PRKN: variants seen among roughly 807,000 people sequenced by gnomAD.
PRKN encodes E3 ubiquitin-protein ligase parkin.
PRKN carries 56 observed loss-of-function variants against 59.5 expected under a neutral mutation model. That is an observed-to-expected ratio of 0.94 (90% confidence interval 0.76 to 1.18). The LOEUF is 1.18. Among genes scored for constraint, PRKN ranks in the 50% most tolerant of loss-of-function variants. The pLI is 0.00. For missense variants in PRKN, 657 were observed against 596.4 expected (o/e 1.10, Z -1.06); for synonymous variants, 250 against 222.1 (o/e 1.13, Z -1.12).
intron 1 of PRKN, among the ~76,000 whole-genome samples, chr6:162,584,225 CAAAAAACAAAAAACAAAAAACAAAAA>C (rs1177960019): frequency 2.9e-5 from 2 of 69,720 alleles, no homozygotes; most frequent in Non-Finnish European, 6.6e-5. Flanking sequence ...AAAAAAAAAA[CAAAAAACAAAAAACAAAAAACAAAAA>C]AAAAAAAAAC....
intron 5 of PRKN, among the ~76,000 whole-genome samples, chr6:162,039,780 T>C (rs999939895): frequency 1.3e-5 from 2 of 152,174 alleles, no homozygotes; most frequent in South Asian, 2.1e-4. Context: ...AACTATGACG[T>C]ACACACACAT....
At chr6:162,162,934 G>T (rs141606118) in intron 4 of PRKN, among the ~76,000 whole-genome samples, 1 of 148,722 alleles carries the variant, frequency 6.7e-6, no homozygotes, top group Non-Finnish European at 1.5e-5. Flanking sequence ...CTTGAACCCG[G>T]GAGGCAGAGG....
At position 162,560,329 on chromosome 6, in the gene PRKN, G is replaced by C. The variant is rs907767896; in HGVS notation, c.8-116856C>G. On this transcript the variant is annotated intron_variant, in intron 1 of 11. Coordinates refer to ENST00000366898, the MANE Select transcript of PRKN (RefSeq NM_004562.3). ...AAAATCAGCCTAACAATATATTCAT[G>C]ATTAGTTCAAAAGAGCAGACATCAA... Among the ~76,000 whole-genome samples the C allele has an allele frequency of 3.9e-5, 6 of 152,164 alleles. 1 individual carries two copies. Among genetic ancestry groups the C allele is most frequent in the Non-Finnish European group, 5.9e-5 (4 of 68,022 alleles).
chr6:161,693,434 T>C (rs772239811), intron 7 of PRKN, among the ~76,000 whole-genome samples: 3 of 152,174 alleles, frequency 2.0e-5, no homozygotes, highest in Non-Finnish European at 2.9e-5. Flanking sequence ...GGAATGAAAG[T>C]TGGCAAGTTT....
At chr6:161,640,725 G>A (rs1783708376) in intron 7 of PRKN, among the ~76,000 whole-genome samples, 1 of 152,096 alleles carries the variant, frequency 6.6e-6, no homozygotes, top group South Asian at 2.1e-4. Flanking sequence ...TATTCAGGCT[G>A]GTGGCACCAA....
chr6:161,874,385 ATATAT>A (rs1251252404), intron 6 of PRKN, among the ~76,000 whole-genome samples: 1 of 92,490 alleles, frequency 1.1e-5, no homozygotes, highest in Non-Finnish European at 1.8e-5. Context: ...TATATAAAAT[ATATAT>A]TATATGTAAA....
intron 1 of PRKN, among the ~76,000 whole-genome samples, chr6:162,601,479 A>G (rs1344666266): frequency 1.3e-5 from 2 of 152,142 alleles, no homozygotes; most frequent in East Asian, 1.9e-4. Context: ...TCGTTCCTCT[A>G]TCTTGCTGCT....
At chr6:161,408,878 T>TC (rs1471668203) in intron 9 of PRKN, among the ~76,000 whole-genome samples, 1 of 152,146 alleles carries the variant, frequency 6.6e-6, no homozygotes, top group African/African-American at 2.4e-5. Flanking sequence ...TTATATGCTA[T>TC]CCCCCCAAGT....
At chr6:161,618,021 G>A (rs1166612467) in intron 7 of PRKN, among the ~76,000 whole-genome samples, 1 of 152,236 alleles carries the variant, frequency 6.6e-6, no homozygotes. Context: ...CACCAAACGG[G>A]TGCTGTACCT....
chr6:161,902,002 C>A (rs1777934923), intron 6 of PRKN, among the ~76,000 whole-genome samples: 1 of 152,196 alleles, frequency 6.6e-6, no homozygotes, highest in African/African-American at 2.4e-5. Context: ...GTGATGCTGA[C>A]ACACGGGGCT....
chr6:162,219,115 C>CAGT (rs1777825278), intron 3 of PRKN, among the ~76,000 whole-genome samples: 2 of 152,124 alleles, frequency 1.3e-5, no homozygotes, highest in Admixed American at 1.3e-4. Context: ...CACTTGAACC[C>CAGT]AGTAGGTCAA....
chr6:161,550,964 G>C lies in PRKN; in HGVS notation c.934-1961C>G, dbSNP rs1391211433. Reference sequence around the variant, plus strand: ...TTCTCATTCTTCTGTCCCCAGGAAAGAAAGAAAAAGATGACCTGGCCTCCT... The same window carrying C: ...TTCTCATTCTTCTGTCCCCAGGAAACAAAGAAAAAGATGACCTGGCCTCCT... On this transcript the variant is annotated intron_variant, in intron 8 of 11. Coordinates refer to ENST00000366898, the MANE Select transcript of PRKN (RefSeq NM_004562.3). This position sits in a 1 kb window ranked among gnomAD's most constrained non-coding sequence, Gnocchi z 4.0. Among the ~76,000 whole-genome samples the C allele has an allele frequency of 6.6e-6, 1 of 152,046 alleles. No individual in the cohort carries two copies. Among genetic ancestry groups the C allele is most frequent in the East Asian group, 1.9e-4 (1 of 5,160 alleles).
chr6:162,216,182 A>G (rs979151097), intron 3 of PRKN, among the ~76,000 whole-genome samples: 1 of 152,120 alleles, frequency 6.6e-6, no homozygotes, highest in Admixed American at 6.5e-5. Flanking sequence ...CTTTCTAACT[A>G]GATTTTCCAA....
chr6:162,340,365 A>G (rs1784119832), intron 2 of PRKN, among the ~76,000 whole-genome samples: 1 of 152,208 alleles, frequency 6.6e-6, no homozygotes, highest in African/African-American at 2.4e-5. Context: ...GGATGAAAAA[A>G]GTGAACTTCT....
At chr6:162,357,617 C>A in intron 2 of PRKN, among the ~76,000 whole-genome samples, 1 of 152,144 alleles carries the variant, frequency 6.6e-6, no homozygotes. Flanking sequence ...ACCATGCAAT[C>A]CAGCAATCAC....
At chr6:161,574,644 C>T (rs1416896528) in intron 7 of PRKN, among the ~76,000 whole-genome samples, 5 of 152,012 alleles carry the variant, frequency 3.3e-5, no homozygotes, top group Admixed American at 6.6e-5. Context: ...AAATCATCTC[C>T]GGAACTCTGA....
At chr6:162,459,651 G>C (rs1379844949) in intron 1 of PRKN, among the ~76,000 whole-genome samples, 1 of 152,132 alleles carries the variant, frequency 6.6e-6, no homozygotes, top group Non-Finnish European at 1.5e-5. Flanking sequence ...GTAAAATACT[G>C]TTCACATGTA....
At chr6:162,248,836 T>G (rs1005475988) in intron 3 of PRKN, among the ~76,000 whole-genome samples, 10 of 152,160 alleles carry the variant, frequency 6.6e-5, no homozygotes, top group African/African-American at 2.4e-4. Context: ...CTCTTTCTTC[T>G]TCATCAGTAT....
intron 7 of PRKN, among the ~76,000 whole-genome samples, chr6:161,586,257 A>G (rs1033783192): frequency 1.3e-5 from 2 of 152,086 alleles, no homozygotes; most frequent in Non-Finnish European, 2.9e-5. Context: ...GCTTCAAGTG[A>G]TCCTCCCACC....
Sources: gnomAD v4.1 joint callset for allele counts (sites outside exome capture counted in the v4.1 genomes callset) on GRCh38, gnomAD v4.1.1 for gene constraint, Gnocchi (gnomAD v3.1) non-coding constraint, MANE v1.5 for transcripts, NCBI Gene and HGNC (gene_info 2026-07-23, HGNC 2026-07-21) for gene names.